The following ZC3H12B variants were observed in gnomAD, a reference collection of about 807,000 sequenced individuals.
ZC3H12B encodes zinc finger CCCH-type containing 12B, also known as probable ribonuclease ZC3H12B.
Under a neutral mutation model 43.9 loss-of-function variants are expected in ZC3H12B, and 7 were observed. The ratio of observed to expected loss-of-function variants is 0.16; its 90% CI spans 0.09 to 0.30. The LOEUF is 0.30. Among genes scored for constraint, ZC3H12B ranks in the 10% least tolerant of loss-of-function variants. The pLI is 1.00. For synonymous variants in ZC3H12B, 222 were observed against 241.7 expected, an observed-to-expected ratio of 0.92 and a Z score of 0.76; for missense variants, 475 against 670.2, an observed-to-expected ratio of 0.71 and a Z score of 3.22.
the ZC3H12B span, among the ~76,000 whole-genome samples, chrX:65,093,940 A>C: frequency 1.8e-5 from 2 of 111,238 alleles, no homozygotes; most frequent in Non-Finnish European, 3.8e-5. Flanking sequence ...CTGTATCCCC[A>C]CCCAAATATC....
the ZC3H12B span, among the ~76,000 whole-genome samples, chrX:65,132,558 A>G: frequency 9.0e-6 from 1 of 110,725 alleles, no homozygotes; most frequent in Non-Finnish European, 1.9e-5. Context: ...AAGGGCAGCA[A>G]TGAGGTGTGG....
chrX:65,494,674 G>T (rs1370452190), intron 1 of ZC3H12B, among the ~76,000 whole-genome samples: 1 of 109,108 alleles, frequency 9.2e-6, no homozygotes, highest in Admixed American at 1.0e-4. Context: ...CCAGCTACTC[G>T]GGAGGCTGAG....
At chrX:65,262,356 G>A in the ZC3H12B span, among the ~76,000 whole-genome samples, 1 of 110,643 alleles carries the variant, frequency 9.0e-6, no homozygotes, top group Non-Finnish European at 1.9e-5. Context: ...GTCTTCTGAG[G>A]AATCATTCAT....
chrX:65,121,481 G>C, the ZC3H12B span, among the ~76,000 whole-genome samples: 1 of 111,539 alleles, frequency 9.0e-6, no homozygotes, highest in Non-Finnish European at 1.9e-5. Flanking sequence ...GTATTTCCAT[G>C]GGATCGGTGG....
chrX:65,465,999 T>A (rs1182098657), intron 3 of ZC3H12B, among the ~76,000 whole-genome samples: 1 of 110,683 alleles, frequency 9.0e-6, no homozygotes, highest in Middle Eastern at 4.3e-3. Context: ...ATCATTTTTA[T>A]ATGTGATGAG....
At chrX:65,490,923 A>G (rs1283686547) in intron 1 of ZC3H12B, among the ~76,000 whole-genome samples, 1 of 111,261 alleles carries the variant, frequency 9.0e-6, no homozygotes, top group Non-Finnish European at 1.9e-5. Context: ...CCACAGAGAC[A>G]TGAGAGAGTG....
At chrX:65,319,359 C>T in the ZC3H12B span, among the ~76,000 whole-genome samples, 35 of 111,680 alleles carry the variant, frequency 3.1e-4, no homozygotes, top group South Asian at 0.013. Context: ...CATACAACCT[C>T]CCAAGATTGA....
At position 65,482,207 on chromosome X, in the gene ZC3H12B, A is replaced by G. The variant is rs751850236; in HGVS notation, n.408-6439A>G. On this transcript the variant is annotated intron_variant and non_coding_transcript_variant, in intron 3 of 5. Transcript: ENST00000617377. ...AGGCAATCTTTTTTTCCAATTTAATATAAGTTATAGAATGACATAGCCATA... is the reference window on the plus strand; with the variant it reads ...AGGCAATCTTTTTTTCCAATTTAATGTAAGTTATAGAATGACATAGCCATA... Among the ~76,000 whole-genome samples, 7 of 111,618 alleles carry G rather than the reference A, an allele frequency of 6.3e-5. No individual in the cohort carries two copies. The South Asian group carries it at 1.5e-3, about 24-fold the overall frequency.
the ZC3H12B span, among the ~76,000 whole-genome samples, chrX:65,058,083 C>A: frequency 8.9e-6 from 1 of 112,505 alleles, no homozygotes; most frequent in Admixed American, 9.4e-5. Context: ...TCTCTCAACT[C>A]CTCAGAGGCA....
intron 2 of ZC3H12B, among the ~76,000 whole-genome samples, chrX:65,373,897 A>ATATATATATAC (rs1215963583): frequency 3.7e-5 from 1 of 27,348 alleles, no homozygotes; most frequent in African/African-American, 1.7e-4. Context: ...GTATAGTAAT[A>ATATATATATAC]TATATATATA....
At chrX:65,407,184 G>A (rs192635109) in intron 3 of ZC3H12B, among the ~76,000 whole-genome samples, 10 of 113,218 alleles carry the variant, frequency 8.8e-5, no homozygotes, top group African/African-American at 2.6e-4. Flanking sequence ...CGAGGAAGAA[G>A]GGGCTCGGAA....
At chrX:65,406,194 G>A (rs1458796755) in intron 3 of ZC3H12B, among the ~76,000 whole-genome samples, 1 of 109,402 alleles carries the variant, frequency 9.1e-6, no homozygotes, top group Non-Finnish European at 1.9e-5. Context: ...AACAAAAAAA[G>A]AAAACTACAG....
chrX:65,441,827 G>A (rs1223568346), intron 3 of ZC3H12B, among the ~76,000 whole-genome samples: 2 of 110,902 alleles, frequency 1.8e-5, no homozygotes, highest in East Asian at 5.7e-4. Context: ...GCGGAGGACA[G>A]ACATTGTACA....
the ZC3H12B span, among the ~76,000 whole-genome samples, chrX:65,079,387 G>A: frequency 8.9e-6 from 1 of 112,234 alleles, no homozygotes; most frequent in Non-Finnish European, 1.9e-5. Flanking sequence ...AACAGAGGCA[G>A]TAACCAAGGA....
chrX:65,437,724 T>A (rs1489507953), intron 3 of ZC3H12B, among the ~76,000 whole-genome samples: 1 of 112,179 alleles, frequency 8.9e-6, no homozygotes, highest in Non-Finnish European at 1.9e-5. Flanking sequence ...TCTTTCTTTT[T>A]TTTCTGTGTG....
intron 2 of ZC3H12B, among the ~76,000 whole-genome samples, chrX:65,373,971 G>GTATATATATAGTA (rs1179095078): frequency 2.9e-4 from 12 of 41,339 alleles, no homozygotes; most frequent in African/African-American, 2.6e-3. Flanking sequence ...TGTATATATA[G>GTATATATATAGTA]TATATATATA....
chrX:65,425,848 CT>C (rs1381058913), intron 3 of ZC3H12B, among the ~76,000 whole-genome samples: 1 of 111,521 alleles, frequency 9.0e-6, no homozygotes, highest in African/African-American at 3.3e-5. Context: ...TGATATGCTA[CT>C]GGATTTGCTT....
chrX:65,266,080 C>G, the ZC3H12B span, among the ~76,000 whole-genome samples: 338 of 111,265 alleles, frequency 3.0e-3, 1 homozygote, highest in African/African-American at 0.011. Flanking sequence ...GAGGCCATAA[C>G]TATAGAGAGA....
the ZC3H12B span, among the ~76,000 whole-genome samples, chrX:65,250,855 A>G: frequency 9.0e-6 from 1 of 111,631 alleles, no homozygotes; most frequent in African/African-American, 3.3e-5. Flanking sequence ...TCAGATGAGC[A>G]GATTGCAAAA....
Sources: allele counts gnomAD v4.1 joint callset (sites outside exome capture counted in the v4.1 genomes callset), GRCh38; gene constraint gnomAD v4.1.1; transcripts MANE v1.5; gene names NCBI Gene and HGNC (gene_info 2026-07-23, HGNC 2026-07-21).